Variants in ASTN1 observed in about 807,000 individuals in gnomAD.
The protein encoded by ASTN1 is astrotactin-1.
ASTN1 carries 41 observed loss-of-function variants against 140.7 expected under a neutral mutation model. That is an observed-to-expected ratio of 0.29 (90% CI 0.23 to 0.38). ASTN1 has a LOEUF of 0.38. Among genes scored for constraint, ASTN1 ranks in the 10% least tolerant of loss-of-function variants. The pLI is 1.00. For missense variants in ASTN1, 1,479 were observed against 1,678.8 expected (o/e 0.88, Z 2.08); for synonymous variants, 640 against 652.2 (o/e 0.98, Z 0.29).
intron 16 of ASTN1, among the ~76,000 whole-genome samples, chr1:176,925,672 A>C (rs1018223202): frequency 2.6e-5 from 4 of 152,186 alleles, no homozygotes; most frequent in Non-Finnish European, 5.9e-5. Flanking sequence ...GGTTTACCTT[A>C]GACCAGTTTC....
At chr1:177,017,936 C>A (rs1238981038) in intron 7 of ASTN1, among the ~76,000 whole-genome samples, 2 of 152,154 alleles carry the variant, frequency 1.3e-5, no homozygotes, top group Non-Finnish European at 2.9e-5. Flanking sequence ...AGCTAGGGGT[C>A]CTCAGACATG....
At chr1:177,028,546 T>C (rs1335560604) in intron 5 of ASTN1, among the ~76,000 whole-genome samples, 2 of 152,232 alleles carry the variant, frequency 1.3e-5, no homozygotes, top group African/African-American at 4.8e-5. Context: ...AATAAAAATG[T>C]ATATGTCTTT....
At position 176,943,890 on chromosome 1, in the gene ASTN1, C is replaced by A; in HGVS notation, c.2377+1G>T. The A allele has an allele frequency of 6.3e-7, 1 of 1,599,698 alleles. No homozygotes were observed. On this transcript the variant is annotated splice_donor_variant, in intron 14 of 22. Transcript: ENST00000361833. LOFTEE classifies it high-confidence loss of function. ...GAATAAGGTTGAGAAGGCACACTCA[C>A]CAGTCAGGAAGTCAGGGTCAGGGGT...
chr1:177,084,110 G>A (rs973561381), intron 1 of ASTN1, among the ~76,000 whole-genome samples: 9 of 152,102 alleles, frequency 5.9e-5, no homozygotes, highest in African/African-American at 2.2e-4. Flanking sequence ...AGTGCCATCC[G>A]CCTCTGACTC....
At chr1:177,054,522 T>A (rs1329094096) in intron 2 of ASTN1, among the ~76,000 whole-genome samples, 1 of 152,196 alleles carries the variant, frequency 6.6e-6, no homozygotes, top group Non-Finnish European at 1.5e-5. Context: ...GTGTACCACA[T>A]AAGCCCACCT....
In ASTN1 at chr1:177,149,371, G is replaced by C. The variant is rs868487044; in HGVS notation, c.283+15023C>G. Among the ~76,000 whole-genome samples the C allele has an allele frequency of 1.3e-3, 76 of 56,626 alleles. 3 individuals carry two copies. The highest frequency in any genetic ancestry group is 8.3e-3 in the African/African-American group (65 of 7,800). The allele number at this position is 56,626 out of a possible 152,430, so 37.1% of individuals were successfully genotyped here. ...TATATATATAGTAAATATATATATAGTATATATAGTAAATATATATAGTAT... is the reference window on the plus strand; with the variant it reads ...TATATATATAGTAAATATATATATACTATATATAGTAAATATATATAGTAT... On this transcript the variant is annotated intron_variant, in intron 1 of 22. Coordinates refer to ENST00000361833, the MANE Select transcript of ASTN1 (RefSeq NM_004319.3).
intron 16 of ASTN1, among the ~76,000 whole-genome samples, chr1:176,931,821 G>A (rs1671215176): frequency 6.6e-6 from 1 of 152,154 alleles, no homozygotes; most frequent in South Asian, 2.1e-4. Flanking sequence ...TTGGCTCTGT[G>A]GCTCTTGGAA....
chr1:177,021,880 G>T (rs961580238), intron 7 of ASTN1, among the ~76,000 whole-genome samples: 2 of 152,190 alleles, frequency 1.3e-5, no homozygotes, highest in Non-Finnish European at 2.9e-5. Flanking sequence ...CCACCTCTGA[G>T]ATTAGCTCTT....
chr1:177,035,591 G>T (rs1473738917), intron 2 of ASTN1, among the ~76,000 whole-genome samples: 2 of 152,184 alleles, frequency 1.3e-5, no homozygotes, highest in African/African-American at 4.8e-5. Flanking sequence ...AGGACTATTT[G>T]TGTCACTACA....
rs1299492201 is a variant in ASTN1, at chr1:177,030,916, T to C, written c.902A>G (p.Tyr301Cys). Residue 301 changes from tyrosine to cysteine, a missense_variant, in exon 4 of 23, where the codon TAT becomes TGT. Tyr to Cys is a radical substitution (Grantham distance 194). Transcript: ENST00000361833. ...GCTAGTGGCTATAATATTATCTTTA[T>C]ACTTGTTCATCAGTGACAGCTTGGC... Reference protein sequence around the residue: ...DNAKLSLMNKYKDNIIATSPV... With the variant: ...DNAKLSLMNKCKDNIIATSPV... 1.2e-6 allele frequency: 2 copies of C among 1,613,930 alleles called. No homozygotes were observed. The highest frequency in any genetic ancestry group is 1.3e-5 in the African/African-American group (1 of 74,916).
rs753183865 is a variant in ASTN1, at chr1:176,965,200, G to A, written c.1561C>T (p.Leu521=). The A allele has an allele frequency of 2.5e-6, 4 of 1,613,854 alleles. No homozygotes were observed. The East Asian group carries it at 6.7e-5, about 27-fold the overall frequency. Reference sequence around the variant, plus strand: ...TCAGAGGGCTGCTCTCCCAAAACCAGGTCAAAGCCTCGCTGAAATATTGTG... The same window carrying A: ...TCAGAGGGCTGCTCTCCCAAAACCAAGTCAAAGCCTCGCTGAAATATTGTG... ...PYTIFQRGFD[L]VLGEQPSDKI... The change falls in exon 9 of 23, where the codon CTG becomes TTG. Residue 521 remains leucine (L), a synonymous_variant. Coordinates refer to ENST00000361833, the MANE Select transcript of ASTN1 (RefSeq NM_004319.3).
At chr1:176,943,039 A>G (rs773562869) in intron 14 of ASTN1, among the ~76,000 whole-genome samples, 5 of 151,060 alleles carry the variant, frequency 3.3e-5, no homozygotes, top group Non-Finnish European at 7.4e-5. Context: ...TGGGTCTACA[A>G]AGGTATTGAA....
At chr1:176,992,510 C>T (rs1342518976) in intron 8 of ASTN1, among the ~76,000 whole-genome samples, 2 of 152,182 alleles carry the variant, frequency 1.3e-5, no homozygotes, top group Admixed American at 1.3e-4. Context: ...CAATTGGGCC[C>T]TTGTATCCAC....
In ASTN1 at chr1:177,029,771, C is replaced by T. The variant is rs772064286; in HGVS notation, c.1013-30G>A. The T allele has an allele frequency of 7.3e-5, 116 of 1,582,110 alleles. No individual in the cohort carries two copies. The Admixed American group carries it at 7.9e-4, about 11-fold the overall frequency. ...AATGAAAGCAGCATGGTCAAGAAAG[C>T]GTTTTCAGTTCTGGTTTCATGACAC... is the stretch of plus-strand genomic sequence containing the variant. On this transcript the variant is annotated intron_variant, in intron 4 of 22. Transcript: ENST00000361833.
chr1:177,015,990 T>G (rs1675526735), intron 7 of ASTN1, among the ~76,000 whole-genome samples: 1 of 152,150 alleles, frequency 6.6e-6, no homozygotes, highest in Non-Finnish European at 1.5e-5. Flanking sequence ...CCTAGTGAAA[T>G]GATGGGCATA....
chr1:176,884,316 C>G, intron 19 of ASTN1, 23 bp downstream of exon 19: 1 of 1,607,520 alleles, frequency 6.2e-7, no homozygotes, highest in Non-Finnish European at 8.5e-7. Flanking sequence ...TCAAGACAAG[C>G]CCATGAAGTA....
chr1:177,104,574 T>C (rs1348890582), intron 1 of ASTN1, among the ~76,000 whole-genome samples: 1 of 152,212 alleles, frequency 6.6e-6, no homozygotes, highest in African/African-American at 2.4e-5. Flanking sequence ...CACCAAACAG[T>C]GTCTCAGCAT....
downstream of ASTN1, among the ~76,000 whole-genome samples, chr1:176,857,910 A>T (rs1366385307): frequency 1.3e-5 from 2 of 152,126 alleles, no homozygotes; most frequent in African/African-American, 4.8e-5. Context: ...TTTCATCTCT[A>T]AGTTGGTATT....
chr1:176,924,355 C>G (rs1007323668), intron 16 of ASTN1, among the ~76,000 whole-genome samples: 2 of 152,210 alleles, frequency 1.3e-5, no homozygotes, highest in Admixed American at 6.5e-5. Flanking sequence ...TCTGCATGAT[C>G]AGCTCCTTAT....
Sources: gnomAD v4.1 joint callset for allele counts (sites outside exome capture counted in the v4.1 genomes callset) on GRCh38, gnomAD v4.1.1 for gene constraint, MANE v1.5 for transcripts, NCBI Gene and HGNC (gene_info 2026-07-23, HGNC 2026-07-21) for gene names.